The following GULP1 variants were observed in gnomAD, a reference collection of about 807,000 sequenced individuals.
GULP1 encodes PTB domain-containing engulfment adapter protein 1.
In GULP1, 19 loss-of-function variants were observed where a neutral mutation model predicts 40.9. That is an observed-to-expected ratio of 0.46 (90% CI 0.32 to 0.68). The LOEUF (loss-of-function observed/expected upper bound fraction) is 0.68, where lower values mean the gene tolerates loss of function less well. Among genes scored for constraint, GULP1 ranks in the 30% least tolerant of loss-of-function variants. The probability of loss-of-function intolerance (pLI) is 0.03; values close to 1 mark genes in which losing one functional copy is unlikely to be tolerated. For missense variants in GULP1, 312 were observed against 362.2 expected, an observed-to-expected ratio of 0.86 and a Z score of 1.12; for synonymous variants, 119 against 117.6, an observed-to-expected ratio of 1.01 and a Z score of -0.08.
At chr2:188,327,981 C>T (rs1240646974) in intron 1 of GULP1, among the ~76,000 whole-genome samples, 1 of 152,060 alleles carries the variant, frequency 6.6e-6, no homozygotes, top group Non-Finnish European at 1.5e-5. Context: ...ATCCTACATG[C>T]CCAGAGTGAT....
At chr2:188,569,085 GCTCATTTAATACAT>G (rs764005608) in intron 7 of GULP1, among the ~76,000 whole-genome samples, 140 bp from the exon 8 acceptor site, 97 of 152,106 alleles carry the variant, frequency 6.4e-4, no homozygotes, top group Admixed American at 1.4e-3. Flanking sequence ...CTACTACCTT[GCTCATTTAATACAT>G]CTCTACTCCC....
At chr2:188,500,484 G>T (rs1299852986) in intron 4 of GULP1, among the ~76,000 whole-genome samples, 1 of 151,852 alleles carries the variant, frequency 6.6e-6, no homozygotes, top group African/African-American at 2.4e-5. Context: ...TTGCTCAAAG[G>T]TGATGATTTA....
At chr2:188,485,377 G>A (rs2061776333) in intron 4 of GULP1, among the ~76,000 whole-genome samples, 1 of 151,964 alleles carries the variant, frequency 6.6e-6, no homozygotes, top group Non-Finnish European at 1.5e-5. Flanking sequence ...AGGGCAGGAT[G>A]ATTTTGTCTA....
chr2:188,528,972 T>C, intron 5 of GULP1, 125 bp from the exon 6 acceptor site: 2 of 574,102 alleles, frequency 3.5e-6, no homozygotes, highest in Non-Finnish European at 6.2e-6. Flanking sequence ...TAAAATGCTT[T>C]ATACTTGGCA....
chr2:188,301,062 C>T (rs1263780362), intron 1 of GULP1, among the ~76,000 whole-genome samples: 6 of 152,046 alleles, frequency 3.9e-5, no homozygotes, highest in African/African-American at 7.2e-5. Context: ...TCACCCAACC[C>T]GGAGTGCACT....
At chr2:188,321,554 T>C (rs1399240238) in intron 1 of GULP1, among the ~76,000 whole-genome samples, 2 of 152,174 alleles carry the variant, frequency 1.3e-5, no homozygotes, top group Non-Finnish European at 2.9e-5. Flanking sequence ...TTTTCACATA[T>C]AAGATTTTAT....
chr2:188,462,650 C>T (rs956238488), intron 2 of GULP1, among the ~76,000 whole-genome samples: 6 of 152,048 alleles, frequency 3.9e-5, no homozygotes, highest in Non-Finnish European at 7.4e-5. Flanking sequence ...CTGAATTAAC[C>T]TCTTCATTAT....
chr2:188,300,035 G>A (rs1396755464), intron 1 of GULP1, among the ~76,000 whole-genome samples: 1 of 152,166 alleles, frequency 6.6e-6, no homozygotes, highest in Non-Finnish European at 1.5e-5. Context: ...AATAGTTTTA[G>A]CTGAATAATT....
intron 4 of GULP1, among the ~76,000 whole-genome samples, chr2:188,489,918 C>T (rs1398227133): frequency 3.3e-5 from 5 of 151,978 alleles, no homozygotes; most frequent in African/African-American, 1.2e-4. Flanking sequence ...CAATAAATAC[C>T]TAACATTGCA....
chr2:188,332,881 G>A (rs776626735), intron 1 of GULP1, among the ~76,000 whole-genome samples: 2 of 152,120 alleles, frequency 1.3e-5, no homozygotes, highest in African/African-American at 2.4e-5. Flanking sequence ...TCAATTTTGC[G>A]GTAACTTATA....
At chr2:188,363,670 A>G (rs769408854) in intron 1 of GULP1, among the ~76,000 whole-genome samples, 1 of 152,148 alleles carries the variant, frequency 6.6e-6, no homozygotes, top group Non-Finnish European at 1.5e-5. Context: ...TTTGAAAGCA[A>G]AATATTAGGT....
At chr2:188,294,498 A>G (rs2034491189) in intron 1 of GULP1, 2 of 152,148 alleles carry the variant, frequency 1.3e-5, no homozygotes, top group Middle Eastern at 3.4e-3. Flanking sequence ...TTCTTTGTGT[A>G]TTAAAGTTGT....
At chr2:188,328,121 C>G (rs2041021721) in intron 1 of GULP1, among the ~76,000 whole-genome samples, 1 of 152,016 alleles carries the variant, frequency 6.6e-6, no homozygotes, top group Admixed American at 6.6e-5. Context: ...GGAGAGCAAT[C>G]ATAATAACAT....
chr2:188,522,652 T>G (rs1685146318), intron 4 of GULP1, 104 bp from the exon 5 acceptor site: 1 of 510,290 alleles, frequency 2.0e-6, no homozygotes, highest in Non-Finnish European at 3.6e-6. Context: ...ACATATGAGT[T>G]TGCATTACTA....
chr2:188,329,682 A>G (rs2041287408), intron 1 of GULP1, among the ~76,000 whole-genome samples: 1 of 152,164 alleles, frequency 6.6e-6, no homozygotes, highest in Non-Finnish European at 1.5e-5. Context: ...TTTTGCTACT[A>G]TTTGGAGAAT....
At chr2:188,533,194 C>CT (rs1044272156) in intron 6 of GULP1, among the ~76,000 whole-genome samples, 2 of 152,104 alleles carry the variant, frequency 1.3e-5, no homozygotes, top group South Asian at 2.1e-4. Context: ...AAATACCAAA[C>CT]TTTTTTTAAA....
intron 1 of GULP1, among the ~76,000 whole-genome samples, chr2:188,370,077 G>T (rs1251926259): frequency 6.6e-6 from 1 of 152,120 alleles, no homozygotes; most frequent in Non-Finnish European, 1.5e-5. Context: ...CTTTGCTTAG[G>T]TGGAGGTTTT....
intron 7 of GULP1, among the ~76,000 whole-genome samples, chr2:188,567,398 T>C (rs1030990151): frequency 1.3e-5 from 2 of 152,230 alleles, no homozygotes; most frequent in South Asian, 2.1e-4. Flanking sequence ...CCATCAATGA[T>C]AGATTGGATA....
Position 188,299,293 on chromosome 2 carries a change from C to T in GULP1, c.-172+7127C>T, listed in dbSNP as rs185999990. On this transcript the variant is annotated intron_variant, in intron 1 of 11. Coordinates refer to ENST00000409830, the MANE Select transcript of GULP1 (RefSeq NM_016315.4). The stretch of plus-strand genomic sequence containing the variant: ...ATAGAGGCTAGGAGGGGGTTGTTTA[C>T]TAAAGCTAGGGACAAGGAGATGTAA... Among the ~76,000 whole-genome samples, 12 of 151,018 alleles carry T rather than the reference C, an allele frequency of 7.9e-5. No homozygotes were observed. The East Asian group carries it at 2.3e-3, about 29-fold the overall frequency.
Sources: gnomAD v4.1 joint callset for allele counts (sites outside exome capture counted in the v4.1 genomes callset) on GRCh38, gnomAD v4.1.1 for gene constraint, MANE v1.5 for transcripts, NCBI Gene and HGNC (gene_info 2026-07-23, HGNC 2026-07-21) for gene names.